Variants in MSI2 observed in about 807,000 individuals in gnomAD.
The protein encoded by MSI2 is musashi RNA binding protein 2, also known as RNA-binding protein Musashi homolog 2.
In MSI2, 17 loss-of-function variants were observed where a neutral mutation model predicts 45.6. That is an observed-to-expected ratio of 0.37 (90% CI 0.26 to 0.56). The LOEUF is 0.56. Ranked by LOEUF, MSI2 falls within the 20% of genes least tolerant of loss-of-function variation. MSI2 has a pLI of 0.77. For synonymous variants in MSI2, 156 were observed against 158.2 expected, an observed-to-expected ratio of 0.99 and a Z score of 0.11; for missense variants, 293 against 444.2, an observed-to-expected ratio of 0.66 and a Z score of 3.06.
intron 5 of MSI2, among the ~76,000 whole-genome samples, chr17:57,288,011 C>G (rs893575866): frequency 1.3e-5 from 2 of 152,136 alleles, no homozygotes; most frequent in African/African-American, 2.4e-5. Flanking sequence ...TCCTTTATTC[C>G]TCCATCCCTC....
At chr17:57,261,356 CTTT>C (rs36081982) in intron 4 of MSI2, among the ~76,000 whole-genome samples, 1 of 145,260 alleles carries the variant, frequency 6.9e-6, no homozygotes. Context: ...TATTCAGTAA[CTTT>C]TTTTTTTTTT....
intron 7 of MSI2, among the ~76,000 whole-genome samples, chr17:57,558,438 G>C (rs977749581): frequency 2.6e-5 from 4 of 152,166 alleles, no homozygotes; most frequent in African/African-American, 9.7e-5. Flanking sequence ...AGGAGGGTTT[G>C]CACCTCCCCT....
chr17:57,385,790 T>C (rs1448351720), intron 5 of MSI2, among the ~76,000 whole-genome samples: 2 of 152,244 alleles, frequency 1.3e-5, no homozygotes, highest in Admixed American at 6.5e-5. Flanking sequence ...TTCTGTGTTA[T>C]AGTTGTTGTT....
At chr17:57,405,610 G>T (rs557007619) in intron 6 of MSI2, among the ~76,000 whole-genome samples, 1 of 152,146 alleles carries the variant, frequency 6.6e-6, no homozygotes, top group Non-Finnish European at 1.5e-5. Flanking sequence ...ACTTCATGAC[G>T]CAGGGACAGT....
intron 5 of MSI2, chr17:57,279,499 T>C (rs1281281493): frequency 1.3e-5 from 2 of 152,362 alleles, no homozygotes; most frequent in East Asian, 3.9e-4. Flanking sequence ...TTGCTCATTA[T>C]GCAACAAATG....
chr17:57,257,528 C>T lies in MSI2; in HGVS notation c.166C>T (p.Pro56Ser). The change falls in exon 3 of 14, where the codon CCC becomes TCC. Residue 56 changes from proline (P) to serine (S), a missense_variant. Transcript: ENST00000284073. ...EIRECMVMRD[P>S]TTKRSRGFGF... ...TAGAGAATGTATGGTCATGAGAGAT[C>T]CCACTACGAAACGCTCCAGGTAAAC... 6.3e-7 allele frequency: 1 copy of T among 1,596,188 alleles called. No individual in the cohort carries two copies. The highest frequency in any genetic ancestry group is 8.6e-7 in the Non-Finnish European group (1 of 1,166,542).
chr17:57,506,072 A>C (rs1048361933), intron 6 of MSI2, among the ~76,000 whole-genome samples: 3 of 152,180 alleles, frequency 2.0e-5, no homozygotes, highest in Non-Finnish European at 2.9e-5. Flanking sequence ...ACACTTACCC[A>C]GCAGGCACTT....
At chr17:57,357,721 A>G (rs930614764) in intron 5 of MSI2, among the ~76,000 whole-genome samples, 2 of 152,140 alleles carry the variant, frequency 1.3e-5, no homozygotes, top group Admixed American at 6.5e-5. Flanking sequence ...GCTTTTGTGT[A>G]TGTGTCGTTC....
intron 5 of MSI2, among the ~76,000 whole-genome samples, chr17:57,311,414 G>A (rs150693063): frequency 1.2e-4 from 18 of 152,224 alleles, no homozygotes; most frequent in Non-Finnish European, 2.5e-4. Context: ...TTCTACATGC[G>A]GTAAAACACT....
intron 6 of MSI2, among the ~76,000 whole-genome samples, chr17:57,513,058 C>A (rs2086392231): frequency 6.7e-6 from 1 of 148,754 alleles, no homozygotes; most frequent in Admixed American, 6.8e-5. Flanking sequence ...ACTGCAACCT[C>A]CACCTCCCGG....
chr17:57,607,601 C>T (rs1296596620), intron 8 of MSI2, among the ~76,000 whole-genome samples: 4 of 152,252 alleles, frequency 2.6e-5, no homozygotes, highest in African/African-American at 9.6e-5. Context: ...CTTCCGCTCA[C>T]TTTCCAGTAT....
downstream of MSI2, among the ~76,000 whole-genome samples, chr17:57,689,242 C>G (rs185286374): frequency 3.5e-3 from 533 of 152,046 alleles, 2 homozygotes; most frequent in African/African-American, 0.013. Flanking sequence ...TGTTCTCTCT[C>G]TCTACATTTT....
intron 6 of MSI2, among the ~76,000 whole-genome samples, chr17:57,434,327 T>G (rs2084653012): frequency 6.6e-6 from 1 of 152,210 alleles, no homozygotes; most frequent in Non-Finnish European, 1.5e-5. Context: ...CTCGAACTCC[T>G]GAACTCAGGC....
In MSI2 at chr17:57,384,302, G is replaced by A. The variant is rs950772792; in HGVS notation, c.313-17077G>A. On this transcript the variant is annotated intron_variant, in intron 5 of 13. Transcript: ENST00000284073. ...TCAAGGGGAGACATGATGGCAAGGGGCTGGAATTATCTGAAGGCTTGTTCA... is the reference window on the plus strand; with the variant it reads ...TCAAGGGGAGACATGATGGCAAGGGACTGGAATTATCTGAAGGCTTGTTCA... Among the ~76,000 whole-genome samples the A allele has an allele frequency of 3.9e-5, 6 of 152,160 alleles. 1 individual carries two copies. Among genetic ancestry groups the A allele is most frequent in the Non-Finnish European group, 8.8e-5 (6 of 68,034 alleles).
intron 5 of MSI2, among the ~76,000 whole-genome samples, chr17:57,389,933 G>A (rs2083756771): frequency 6.6e-6 from 1 of 152,082 alleles, no homozygotes; most frequent in African/African-American, 2.4e-5. Flanking sequence ...CTCAGGAAGG[G>A]TTTTAATGAA....
At chr17:57,510,326 A>G (rs1364689367) in intron 6 of MSI2, among the ~76,000 whole-genome samples, 10 of 150,856 alleles carry the variant, frequency 6.6e-5, no homozygotes. Context: ...TCCTACCCTG[A>G]TATTTTATAA....
chr17:57,369,401 G>T (rs989594658), intron 5 of MSI2, among the ~76,000 whole-genome samples: 28 of 152,162 alleles, frequency 1.8e-4, no homozygotes, highest in African/African-American at 6.3e-4. Flanking sequence ...CTTGGGAAGG[G>T]TCTTGAGTCT....
intron 5 of MSI2, among the ~76,000 whole-genome samples, chr17:57,357,646 T>C (rs957236236): frequency 6.6e-6 from 1 of 152,154 alleles, no homozygotes; most frequent in Non-Finnish European, 1.5e-5. Flanking sequence ...CAGGCCTTTG[T>C]GGTTGCATCC....
chr17:57,317,261 A>C (rs1264495771), intron 5 of MSI2, among the ~76,000 whole-genome samples: 1 of 152,166 alleles, frequency 6.6e-6, no homozygotes, highest in African/African-American at 2.4e-5. Context: ...GTCTGTTGCC[A>C]TCTCTTCAGC....
Sources: gnomAD v4.1 joint callset for allele counts (sites outside exome capture counted in the v4.1 genomes callset) on GRCh38, gnomAD v4.1.1 for gene constraint, MANE v1.5 for transcripts, NCBI Gene and HGNC (gene_info 2026-07-23, HGNC 2026-07-21) for gene names.